Variants in TJP1 observed in about 807,000 individuals in gnomAD.
The protein encoded by TJP1 is tight junction protein 1.
TJP1 carries 43 observed loss-of-function variants against 194.2 expected under a neutral mutation model. The observed-to-expected ratio is 0.22, with a 90% CI of 0.17 to 0.29. TJP1 has a LOEUF of 0.29. Ranked by LOEUF, TJP1 falls within the 10% of genes least tolerant of loss-of-function variation. The pLI is 1.00. For synonymous variants in TJP1, 801 were observed against 779.0 expected (o/e 1.03, Z -0.47); for missense variants, 1,971 against 2,185.7 (o/e 0.90, Z 1.96).
At chr15:29,944,774 G>A (rs1182875039) in intron 2 of TJP1, among the ~76,000 whole-genome samples, 2 of 152,216 alleles carry the variant, frequency 1.3e-5, no homozygotes, top group East Asian at 3.9e-4. Flanking sequence ...ACTGGCAACT[G>A]CTTTTTGTTT....
intron 2 of TJP1, among the ~76,000 whole-genome samples, chr15:29,838,020 C>T (rs1372093298): frequency 6.6e-6 from 1 of 152,196 alleles, no homozygotes; most frequent in Non-Finnish European, 1.5e-5. Context: ...CCAAAAATGT[C>T]CATCCCTTTG....
intron 6 of TJP1, among the ~76,000 whole-genome samples, chr15:29,762,052 T>C (rs943768790): frequency 6.6e-6 from 1 of 152,246 alleles, no homozygotes; most frequent in Non-Finnish European, 1.5e-5. Context: ...ATTTCAATAG[T>C]ATCTGGAAGC....
chr15:29,880,424 C>T (rs947378069), intron 2 of TJP1, among the ~76,000 whole-genome samples: 2 of 152,202 alleles, frequency 1.3e-5, no homozygotes, highest in Admixed American at 1.3e-4. Flanking sequence ...AAAGTTTCCT[C>T]ATGTCCTTTT....
intron 16 of TJP1, among the ~76,000 whole-genome samples, chr15:29,727,361 C>G (rs1220193262): frequency 6.6e-6 from 1 of 152,050 alleles, no homozygotes; most frequent in African/African-American, 2.4e-5. Context: ...AAAACAAATA[C>G]AAACCAAAAC....
intron 1 of TJP1, among the ~76,000 whole-genome samples, chr15:29,963,546 T>C (rs1405057262): frequency 6.6e-6 from 1 of 152,246 alleles, no homozygotes; most frequent in Non-Finnish European, 1.5e-5. Context: ...TGAATGAATA[T>C]ACTGATAGTG....
chr15:29,963,663 T>C (rs2878923), intron 1 of TJP1, among the ~76,000 whole-genome samples: 8,067 of 152,178 alleles, frequency 0.053, 314 homozygotes, highest in African/African-American at 0.1. Flanking sequence ...GTAAATACTT[T>C]TTTCTTTTTG....
Position 29,761,231 on chromosome 15 carries a change from C to T in TJP1, c.918G>A (p.Arg306=). The part of the protein sequence containing the change: ...ASDHSGRSHD[R]PPRRSRSRSP... The stretch of plus-strand genomic sequence containing the variant: ...ATCGTGACCGGCTGCGGCGGGGAGG[C>T]CTATCGTGTGATCGACCAGAATGAT... The change falls in exon 8 of 28, where the codon AGG becomes AGA. Residue 306 remains arginine, a synonymous_variant. Transcript: ENST00000614355. The T allele has an allele frequency of 1.2e-6, 2 of 1,613,920 alleles. No homozygotes were observed. The highest frequency in any genetic ancestry group is 4.5e-5 in the East Asian group (2 of 44,854).
At chr15:29,965,430 T>C (rs1458863613) in intron 1 of TJP1, among the ~76,000 whole-genome samples, 2 of 152,250 alleles carry the variant, frequency 1.3e-5, no homozygotes, top group East Asian at 1.9e-4. Flanking sequence ...CAGGCTGGTA[T>C]CGACCTCCTG....
chr15:29,750,009 A>ATTT (rs34349418), intron 8 of TJP1, among the ~76,000 whole-genome samples: 1 of 136,592 alleles, frequency 7.3e-6, no homozygotes, highest in Non-Finnish European at 1.6e-5. Flanking sequence ...TGTCCGGCTA[A>ATTT]TTTTTTTTTT....
At position 29,709,031 on chromosome 15, in the gene TJP1, A is replaced by C. The variant is rs559564767; in HGVS notation, c.4378T>G (p.Ser1460Ala). ...GAATTCTGAAAATCCAATGACACTG[A>C]ATTACCTGAAAAACAAACGTAAGCA... ...HSKGAHGEGN[S>A]VSLDFQNSLV... Residue 1460 changes from serine (S) to alanine (A), a missense_variant, in exon 25 of 28, where the codon TCA (serine) becomes GCA (alanine). Ser to Ala is a moderately conservative substitution (Grantham distance 99). Coordinates refer to ENST00000614355, the MANE Select transcript of TJP1 (RefSeq NM_001330239.4). 6.2e-7 allele frequency: 1 copy of C among 1,605,174 alleles called. No individual in the cohort carries two copies. Among genetic ancestry groups the C allele is most frequent in the South Asian group, 1.1e-5 (1 of 90,338 alleles).
intron 2 of TJP1, among the ~76,000 whole-genome samples, chr15:29,881,100 C>A (rs1217995551): frequency 1.3e-5 from 2 of 152,164 alleles, no homozygotes; most frequent in African/African-American, 4.8e-5. Flanking sequence ...TGATCTCCAA[C>A]ACTTGTCTTT....
At chr15:29,916,255 A>G (rs1275788259) in intron 2 of TJP1, among the ~76,000 whole-genome samples, 1 of 151,828 alleles carries the variant, frequency 6.6e-6, no homozygotes, top group Non-Finnish European at 1.5e-5. Flanking sequence ...AAAAAAAAAA[A>G]AAAAGATCAT....
chr15:29,925,401 C>T (rs1000763797), intron 2 of TJP1, among the ~76,000 whole-genome samples: 23 of 152,172 alleles, frequency 1.5e-4, no homozygotes, highest in African/African-American at 4.6e-4. Flanking sequence ...GCCCTGACAA[C>T]TCTGGCACAT....
intron 1 of TJP1, among the ~76,000 whole-genome samples, chr15:29,967,771 T>C (rs1288145728): frequency 3.3e-5 from 5 of 152,350 alleles, no homozygotes; most frequent in African/African-American, 1.2e-4. Flanking sequence ...CTCCTTTCTC[T>C]ACAACCTTAG....
At chr15:29,938,487 T>C (rs2054956260) in intron 2 of TJP1, among the ~76,000 whole-genome samples, 1 of 152,236 alleles carries the variant, frequency 6.6e-6, no homozygotes, top group African/African-American at 2.4e-5. Flanking sequence ...CAAAGAATTT[T>C]GACCAATTAC....
intron 1 of TJP1, among the ~76,000 whole-genome samples, chr15:29,964,649 T>C (rs1446764259): frequency 1.3e-5 from 2 of 152,342 alleles, no homozygotes; most frequent in South Asian, 2.1e-4. Context: ...GTTTATGTGA[T>C]CTGTTACAGC....
rs895210991 is a variant in TJP1, at chr15:29,747,156, G to A, written c.1011-4375C>T. Among the ~76,000 whole-genome samples the A allele has an allele frequency of 6.6e-5, 10 of 152,196 alleles. 1 individual carries two copies. The highest frequency in any genetic ancestry group is 3.4e-3 in the Middle Eastern group (1 of 294). ...AAAAATTAGTTGGGTGTGGTGGCAC[G>A]CACCTGTAATCCCAGATACTTCGGA... is the stretch of plus-strand genomic sequence containing the variant. On this transcript the variant is annotated intron_variant, in intron 8 of 27. Coordinates refer to ENST00000614355, the MANE Select transcript of TJP1 (RefSeq NM_001330239.4).
intron 2 of TJP1, among the ~76,000 whole-genome samples, chr15:29,910,628 G>C (rs1399712937): frequency 6.6e-6 from 1 of 152,112 alleles, no homozygotes; most frequent in Non-Finnish European, 1.5e-5. Context: ...TTGTGGTTTA[G>C]CTCTAACAAC....
intron 1 of TJP1, among the ~76,000 whole-genome samples, chr15:29,821,781 C>A (rs1471918193): frequency 2.0e-5 from 3 of 149,576 alleles, no homozygotes; most frequent in Admixed American, 6.7e-5. Context: ...CGCCCGCAGC[C>A]CCCTCCCCGG....
Sources: allele counts gnomAD v4.1 joint callset (sites outside exome capture counted in the v4.1 genomes callset), GRCh38; gene constraint gnomAD v4.1.1; transcripts MANE v1.5; gene names NCBI Gene and HGNC (gene_info 2026-07-23, HGNC 2026-07-21).